The following SCN10A variants were observed in gnomAD, a reference collection of about 807,000 sequenced individuals.
SCN10A encodes sodium voltage-gated channel alpha subunit 10, also known as sodium channel protein type 10 subunit alpha.
Under a neutral mutation model 170.7 loss-of-function variants are expected in SCN10A, and 162 were observed. The ratio of observed to expected loss-of-function variants is 0.95; its 90% CI spans 0.84 to 1.08. SCN10A has a LOEUF of 1.08. SCN10A is among the 50% of genes least tolerant of loss of function. The pLI, the probability that SCN10A is intolerant of heterozygous loss-of-function variation, is 0.00. For missense variants in SCN10A, 2,527 were observed against 2,436.9 expected (o/e 1.04, Z -0.78); for synonymous variants, 985 against 904.6 (o/e 1.09, Z -1.59).
intron 26 of SCN10A, 72 bp downstream of exon 26, chr3:38,707,207 G>C (rs952253500): frequency 3.3e-6 from 5 of 1,518,600 alleles, no homozygotes; most frequent in Non-Finnish European, 4.5e-6. Flanking sequence ...TCAGGCCCCT[G>C]CCTGACACAG....
intron 13 of SCN10A, among the ~76,000 whole-genome samples, chr3:38,744,733 G>A (rs2063669499): frequency 6.6e-6 from 1 of 151,614 alleles, no homozygotes; most frequent in African/African-American, 2.4e-5. Flanking sequence ...ATTTTTTCCT[G>A]TCTCTGATTA....
In SCN10A at chr3:38,697,729, C is replaced by T. The variant is rs1559405804; in HGVS notation, c.5491G>A (p.Ala1831Thr). The T allele has an allele frequency of 6.2e-7, 1 of 1,614,080 alleles. No homozygotes were observed. The highest frequency in any genetic ancestry group is 8.5e-7 in the Non-Finnish European group (1 of 1,180,012). Reference sequence around the variant, plus strand: ...TAGGATGATTTTGAAAGATTAGTTGCCATAAACTTCTCCTCCATATTTGCC... The same window carrying T: ...TAGGATGATTTTGAAAGATTAGTTGTCATAAACTTCTCCTCCATATTTGCC... ...LKANMEEKFM[A>T]TNLSKSSYEP... Residue 1831 changes from alanine to threonine, a missense_variant, in exon 28 of 28, where the codon GCA becomes ACA. Coordinates refer to ENST00000449082, the MANE Select transcript of SCN10A (RefSeq NM_006514.4).
chr3:38,714,009 G>C lies in SCN10A; in HGVS notation c.3753C>G (p.Thr1251=). 6.2e-7 allele frequency: 1 copy of C among 1,614,130 alleles called. No individual in the cohort carries two copies. Among genetic ancestry groups the C allele is most frequent in the Non-Finnish European group, 8.5e-7 (1 of 1,180,050 alleles). ...SEVAPIKALR[T]LRALRPLRAL... ...CCCGCAGTGGCCGCAGAGCGCGAAGGGTTCGAAGGGCTTTGATGGGAGCCA... is the reference window on the plus strand; with the variant it reads ...CCCGCAGTGGCCGCAGAGCGCGAAGCGTTCGAAGGGCTTTGATGGGAGCCA... The change falls in exon 22 of 28, where the codon ACC becomes ACG. Residue 1251 remains threonine, a synonymous_variant. Transcript: ENST00000449082.
At chr3:38,770,430 C>A (rs1014266807) in intron 5 of SCN10A, among the ~76,000 whole-genome samples, 6 of 152,026 alleles carry the variant, frequency 3.9e-5, no homozygotes, top group African/African-American at 1.2e-4. Flanking sequence ...ATTGCTGTGG[C>A]CACTGTGGTG....
intron 13 of SCN10A, among the ~76,000 whole-genome samples, chr3:38,745,117 T>G (rs1165218148): frequency 2.0e-5 from 3 of 152,250 alleles, no homozygotes; most frequent in African/African-American, 7.2e-5. Context: ...AGCAGCCACC[T>G]GTGAGGCATG....
At chr3:38,730,400 T>A (rs1445730934) in intron 15 of SCN10A, among the ~76,000 whole-genome samples, 1 of 152,220 alleles carries the variant, frequency 6.6e-6, no homozygotes, top group Non-Finnish European at 1.5e-5. Context: ...TGCAAATACC[T>A]CTGGAGGAAC....
intron 16 of SCN10A, 86 bp from the exon 17 acceptor site, chr3:38,727,138 G>T: frequency 7.7e-7 from 1 of 1,298,820 alleles, no homozygotes; most frequent in Non-Finnish European, 1.1e-6. Context: ...TGGCTGGCAA[G>T]ACAGCCACGG....
In SCN10A at chr3:38,697,452, C is replaced by G. The variant is rs2063101777; in HGVS notation, c.5768G>C (p.Ser1923Thr). The change falls in exon 28 of 28, where the codon AGT (serine) becomes ACT (threonine). Residue 1923 changes from serine (S) to threonine (T), a missense_variant. Ser to Thr is a moderately conservative substitution (Grantham distance 58). Coordinates refer to ENST00000449082, the MANE Select transcript of SCN10A (RefSeq NM_006514.4). ...SATSFPPSYE[S>T]VTRGLSDRVN... ...TCTATCACTAAGGCCTCTAGTGACACTCTCATAGGACGGTGGGAATGATGT... is the reference window on the plus strand; with the variant it reads ...TCTATCACTAAGGCCTCTAGTGACAGTCTCATAGGACGGTGGGAATGATGT... 1.2e-6 allele frequency: 2 copies of G among 1,614,058 alleles called. No homozygotes were observed. Among genetic ancestry groups the G allele is most frequent in the African/African-American group, 1.3e-5 (1 of 74,904 alleles).
chr3:38,808,684 GT>G (rs2064421565), intron 1 of SCN10A, among the ~76,000 whole-genome samples: 1 of 152,166 alleles, frequency 6.6e-6, no homozygotes, highest in Non-Finnish European at 1.5e-5. Flanking sequence ...AGTGTGCCTA[GT>G]TTGACCTTAG....
intron 23 of SCN10A, 79 bp downstream of exon 23, chr3:38,712,082 G>A: frequency 1.4e-6 from 2 of 1,419,480 alleles, no homozygotes; most frequent in Non-Finnish European, 2.0e-6. Flanking sequence ...TCCCCACATA[G>A]CATCTTCTGG....
chr3:38,783,216 A>G (rs1000969040), intron 4 of SCN10A, among the ~76,000 whole-genome samples: 29 of 152,050 alleles, frequency 1.9e-4, no homozygotes, highest in African/African-American at 7.0e-4. Context: ...AGGGGACAAA[A>G]TTCACTCCAT....
intron 16 of SCN10A, among the ~76,000 whole-genome samples, chr3:38,727,961 C>T (rs1042245265): frequency 5.9e-5 from 9 of 152,154 alleles, no homozygotes; most frequent in Non-Finnish European, 1.0e-4. Context: ...GGATGTTGTC[C>T]GTGACCCATT....
At chr3:38,751,366 G>A (rs2063745316) in intron 12 of SCN10A, among the ~76,000 whole-genome samples, 1 of 152,196 alleles carries the variant, frequency 6.6e-6, no homozygotes, top group South Asian at 2.1e-4. Context: ...CCACACCTCT[G>A]TAAATACTTT....
intron 1 of SCN10A, among the ~76,000 whole-genome samples, chr3:38,812,860 C>T (rs2064449705): frequency 6.6e-6 from 1 of 151,978 alleles, no homozygotes; most frequent in Admixed American, 6.6e-5. Flanking sequence ...ATGGCGAGAC[C>T]CTGTCTCTAC....
intron 15 of SCN10A, among the ~76,000 whole-genome samples, chr3:38,736,622 C>T (rs892746923): frequency 2.6e-5 from 4 of 151,832 alleles, no homozygotes; most frequent in Non-Finnish European, 5.9e-5. Flanking sequence ...AACACAAAAA[C>T]GCAAAGAGGC....
intron 15 of SCN10A, among the ~76,000 whole-genome samples, chr3:38,729,172 C>G (rs1202993990): frequency 1.3e-5 from 2 of 152,124 alleles, no homozygotes; most frequent in Non-Finnish European, 2.9e-5. Flanking sequence ...GCCTTGCGAT[C>G]TGTACTCTGT....
At chr3:38,752,987 T>C (rs1377073821) in intron 11 of SCN10A, among the ~76,000 whole-genome samples, 1 of 152,200 alleles carries the variant, frequency 6.6e-6, no homozygotes, top group Non-Finnish European at 1.5e-5. Flanking sequence ...AATTAGGTAG[T>C]ACAATTCATT....
intron 5 of SCN10A, among the ~76,000 whole-genome samples, chr3:38,770,945 C>G (rs1304872771): frequency 6.6e-6 from 1 of 152,096 alleles, no homozygotes; most frequent in Non-Finnish European, 1.5e-5. Flanking sequence ...TATTTACATT[C>G]CAGGTAAGGG....
rs1338932316 is a variant in SCN10A, at chr3:38,701,373, C to A, written c.4657+466G>T. Among the ~76,000 whole-genome samples, 4 of 152,182 alleles carry A rather than the reference C, an allele frequency of 2.6e-5. No homozygotes were observed. In the East Asian group the frequency reaches 7.7e-4, roughly 29 times the overall value. On this transcript the variant is annotated intron_variant, in intron 27 of 27. Coordinates refer to ENST00000449082, the MANE Select transcript of SCN10A (RefSeq NM_006514.4). ...TTCCAGACCCTAGACTTGAGAATCTCCTTTGAACAATCTCCTCCCAGTCTT... is the reference window on the plus strand; with the variant it reads ...TTCCAGACCCTAGACTTGAGAATCTACTTTGAACAATCTCCTCCCAGTCTT...
Sources: allele counts gnomAD v4.1 joint callset (sites outside exome capture counted in the v4.1 genomes callset), GRCh38; gene constraint gnomAD v4.1.1; transcripts MANE v1.5; gene names NCBI Gene and HGNC (gene_info 2026-07-23, HGNC 2026-07-21).